The following PTPRN2 variants were observed in gnomAD, a reference collection of about 807,000 sequenced individuals.
PTPRN2 encodes the protein protein tyrosine phosphatase receptor type N2, also known as receptor-type tyrosine-protein phosphatase N2.
Under a neutral mutation model 118.8 loss-of-function variants are expected in PTPRN2, and 74 were observed. The ratio of observed to expected loss-of-function variants is 0.62; its 90% confidence interval spans 0.52 to 0.76. The LOEUF (loss-of-function observed/expected upper bound fraction) is 0.76. Ranked by LOEUF, PTPRN2 falls within the 30% of genes least tolerant of loss-of-function variation. PTPRN2 has a pLI of 0.00. For missense variants in PTPRN2, 1,481 were observed against 1,394.4 expected (o/e 1.06, Z -0.99); for synonymous variants, 641 against 608.0 (o/e 1.05, Z -0.80).
intron 11 of PTPRN2, among the ~76,000 whole-genome samples, chr7:157,965,573 G>C (rs1389507304): frequency 6.6e-6 from 1 of 152,144 alleles, no homozygotes; most frequent in Non-Finnish European, 1.5e-5. Context: ...CCACAGGGTG[G>C]CTCTCCCCAG....
Position 157,965,377 on chromosome 7 carries a change from T to A in PTPRN2, c.1724-66640A>T, listed in dbSNP as rs892731. 8.1e-3 allele frequency among the ~76,000 whole-genome samples: 1,237 copies of A among 152,238 alleles called. 23 individuals are homozygous for A. Among genetic ancestry groups the A allele is most frequent in the African/African-American group, 0.028 (1,182 of 41,556 alleles). ...GGTGCCCCTCACCAGGGTTCCTGGC[T>A]TGGACTGGACAGACGACAGCACCGC... On this transcript the variant is annotated intron_variant, in intron 11 of 22. Transcript: ENST00000389418.
At chr7:158,094,104 C>G (rs970808438) in intron 10 of PTPRN2, among the ~76,000 whole-genome samples, 1 of 152,160 alleles carries the variant, frequency 6.6e-6, no homozygotes, top group African/African-American at 2.4e-5. Flanking sequence ...AGTATGTATG[C>G]TTTGCCTTTG....
chr7:158,124,656 G>A (rs113699674), intron 9 of PTPRN2, among the ~76,000 whole-genome samples: 2,661 of 152,336 alleles, frequency 0.017, 68 homozygotes, highest in African/African-American at 0.053. Context: ...ACGTGAACAG[G>A]AAGCTGCCTC....
At chr7:157,630,039 T>A (rs1803843979) in intron 14 of PTPRN2, among the ~76,000 whole-genome samples, 1 of 152,154 alleles carries the variant, frequency 6.6e-6, no homozygotes, top group Non-Finnish European at 1.5e-5. Flanking sequence ...CGGGAAATAT[T>A]CATGTTAAAT....
chr7:157,556,634 C>A (rs556377443), intron 21 of PTPRN2, among the ~76,000 whole-genome samples: 4 of 151,360 alleles, frequency 2.6e-5, no homozygotes, highest in East Asian at 1.9e-4. Context: ...TATGCACATG[C>A]ACACACACAC....
At chr7:158,472,519 A>AGGTGT (rs1391070173) in intron 2 of PTPRN2, among the ~76,000 whole-genome samples, 1 of 152,228 alleles carries the variant, frequency 6.6e-6, no homozygotes, top group African/African-American at 2.4e-5. Context: ...TCACAAGAGC[A>AGGTGT]GGTGCTGGGT....
At chr7:158,258,987 G>A (rs1023942366) in intron 3 of PTPRN2, among the ~76,000 whole-genome samples, 11 of 152,108 alleles carry the variant, frequency 7.2e-5, no homozygotes, top group Admixed American at 5.9e-4. Flanking sequence ...GAGGTGCAGC[G>A]TCGGTACAGG....
intron 2 of PTPRN2, among the ~76,000 whole-genome samples, chr7:158,377,596 C>T (rs1281778861): frequency 6.6e-6 from 1 of 152,162 alleles, no homozygotes; most frequent in Non-Finnish European, 1.5e-5. Context: ...AATGCACACA[C>T]AATTTTCCCG....
chr7:157,766,260 A>G (rs1029618434), intron 12 of PTPRN2, among the ~76,000 whole-genome samples: 58 of 145,792 alleles, frequency 4.0e-4, no homozygotes, highest in African/African-American at 1.5e-3. Flanking sequence ...TCCTCCATCC[A>G]TCCATCCTTC....
chr7:158,265,348 C>G (rs183327821), intron 3 of PTPRN2, among the ~76,000 whole-genome samples: 45 of 152,098 alleles, frequency 3.0e-4, no homozygotes, highest in African/African-American at 9.6e-4. Context: ...GGATGCACAC[C>G]TGCAGGCAGG....
chr7:157,939,054 T>C (rs377243122), intron 11 of PTPRN2, among the ~76,000 whole-genome samples: 2 of 151,896 alleles, frequency 1.3e-5, no homozygotes, highest in Non-Finnish European at 2.9e-5. Flanking sequence ...TAAAGTAAAG[T>C]AAAGCATGCA....
chr7:157,824,692 T>C (rs1255617696), intron 12 of PTPRN2, among the ~76,000 whole-genome samples: 3 of 152,180 alleles, frequency 2.0e-5, no homozygotes, highest in Non-Finnish European at 1.5e-5. Flanking sequence ...TTTGGGTCAC[T>C]GGCTGTCTGT....
chr7:157,812,125 G>C (rs897355605), intron 12 of PTPRN2, among the ~76,000 whole-genome samples: 12 of 152,164 alleles, frequency 7.9e-5, no homozygotes, highest in African/African-American at 2.9e-4. Context: ...ATGTTCTCTG[G>C]TGCACACAGG....
chr7:158,351,885 T>TCCCCTCCTGTCC lies in PTPRN2; in HGVS notation c.164-34954_164-34953insGGACAGGAGGGG, dbSNP rs1563190229. ...CTCCCAGCCCAGCTCCCCTCCTGTC[T>TCCCCTCCTGTCC]GCTCGCCTCCTGTCCGCTCCCCTCC... On this transcript the variant is annotated intron_variant, in intron 2 of 22. Coordinates refer to ENST00000389418, the MANE Select transcript of PTPRN2 (RefSeq NM_002847.5). Among the ~76,000 whole-genome samples the TCCCCTCCTGTCC allele has an allele frequency of 1.2e-3, 37 of 31,676 alleles. 13 individuals carry two copies. Among genetic ancestry groups the TCCCCTCCTGTCC allele is most frequent in the Non-Finnish European group, 2.0e-3 (26 of 12,904 alleles). 20.8% of individuals were successfully genotyped at this position (31,676 alleles called of 152,430 possible). A position where few individuals can be genotyped will look rare whatever the true frequency, so the allele number is the denominator to read the frequency against.
chr7:158,345,738 C>G (rs1200049769), intron 2 of PTPRN2, among the ~76,000 whole-genome samples: 1 of 152,112 alleles, frequency 6.6e-6, no homozygotes, highest in East Asian at 1.9e-4. Flanking sequence ...AAGAACTACC[C>G]AAGACTAAGT....
At chr7:158,334,527 T>G (rs1358661200) in intron 2 of PTPRN2, among the ~76,000 whole-genome samples, 1 of 106,052 alleles carries the variant, frequency 9.4e-6, no homozygotes, top group Admixed American at 9.4e-5. Flanking sequence ...AGGTGACACC[T>G]GCAGACGTCA....
At chr7:158,417,232 C>T (rs1348407214) in intron 2 of PTPRN2, among the ~76,000 whole-genome samples, 4 of 152,230 alleles carry the variant, frequency 2.6e-5, no homozygotes, top group African/African-American at 7.2e-5. Context: ...GATGCTCTAG[C>T]TCTCAGTGTC....
At chr7:158,318,598 G>A (rs569996587) in intron 2 of PTPRN2, among the ~76,000 whole-genome samples, 1 of 152,224 alleles carries the variant, frequency 6.6e-6, no homozygotes, top group Non-Finnish European at 1.5e-5. Flanking sequence ...TGAGGCCAGG[G>A]AGGCTCAGAA....
chr7:157,766,789 G>A (rs1412498044), intron 12 of PTPRN2, among the ~76,000 whole-genome samples: 2 of 152,188 alleles, frequency 1.3e-5, no homozygotes, highest in Non-Finnish European at 2.9e-5. Context: ...TGAGACACAG[G>A]GCCACTTTGC....
Sources: gnomAD v4.1 joint callset for allele counts (sites outside exome capture counted in the v4.1 genomes callset) on GRCh38, gnomAD v4.1.1 for gene constraint, MANE v1.5 for transcripts, NCBI Gene and HGNC (gene_info 2026-07-23, HGNC 2026-07-21) for gene names.